The following C12orf42 variants were observed in gnomAD, a reference collection of about 807,000 sequenced individuals.
The protein encoded by C12orf42 is uncharacterized protein C12orf42.
C12orf42 carries 25 observed loss-of-function variants against 21.6 expected under a neutral mutation model. The observed-to-expected ratio is 1.16, with a 90% confidence interval of 0.84 to 1.62. The LOEUF (loss-of-function observed/expected upper bound fraction) is 1.62, where lower values mean the gene tolerates loss of function less well. C12orf42 is among the 40% of genes most tolerant of loss of function. The pLI is 0.00. For synonymous variants in C12orf42, 174 were observed against 175.0 expected (o/e 0.99, Z 0.05); for missense variants, 483 against 459.3 (o/e 1.05, Z -0.47).
At chr12:103,493,558 T>G (rs1239716903) in intron 1 of C12orf42, among the ~76,000 whole-genome samples, 1 of 152,000 alleles carries the variant, frequency 6.6e-6, no homozygotes, top group Admixed American at 6.6e-5. Flanking sequence ...GAAATGTGAT[T>G]TCCTCAGAGA....
the C12orf42 span, among the ~76,000 whole-genome samples, chr12:103,556,240 G>A: frequency 2.0e-5 from 3 of 152,184 alleles, no homozygotes; most frequent in Non-Finnish European, 4.4e-5. Context: ...TGAAAATGGA[G>A]ATATTCATAC....
intron 2 of C12orf42, among the ~76,000 whole-genome samples, 169 bp from the exon 3 acceptor site, chr12:103,401,844 G>A (rs947804226): frequency 2.0e-5 from 3 of 152,146 alleles, no homozygotes; most frequent in African/African-American, 7.2e-5. Flanking sequence ...AGGTGCGTTG[G>A]GAACAATGGT....
chr12:103,527,138 G>A, the C12orf42 span, among the ~76,000 whole-genome samples: 8,270 of 152,074 alleles, frequency 0.054, 754 homozygotes, highest in African/African-American at 0.18. Flanking sequence ...GAGATGGGAA[G>A]CAAGTCTGCT....
chr12:103,236,252 T>G (rs138750427), downstream of C12orf42, among the ~76,000 whole-genome samples: 554 of 152,308 alleles, frequency 3.6e-3, 3 homozygotes, highest in Middle Eastern at 0.014. Flanking sequence ...CTGAGATGCT[T>G]AAGCGTAAAA....
intron 2 of C12orf42, among the ~76,000 whole-genome samples, chr12:103,458,305 G>C (rs1347383834): frequency 1.3e-5 from 2 of 151,798 alleles, no homozygotes; most frequent in African/African-American, 4.8e-5. Flanking sequence ...CTGAAACTAG[G>C]AGATTTGTAT....
chr12:103,246,232 C>G (rs1426939194), intron 10 of C12orf42, among the ~76,000 whole-genome samples: 1 of 152,022 alleles, frequency 6.6e-6, no homozygotes, highest in Non-Finnish European at 1.5e-5. Context: ...AAGAAATGTT[C>G]TCTTTAAATA....
the C12orf42 span, among the ~76,000 whole-genome samples, chr12:103,221,774 G>T: frequency 6.6e-6 from 1 of 152,156 alleles, no homozygotes; most frequent in African/African-American, 2.4e-5. Flanking sequence ...CGTGAGGAGA[G>T]TTCTTTTCCA....
At chr12:103,048,137 C>T in the C12orf42 span, among the ~76,000 whole-genome samples, 1 of 151,286 alleles carries the variant, frequency 6.6e-6, no homozygotes, top group Non-Finnish European at 1.5e-5. Context: ...GGAAATGAGG[C>T]CTTGTAAACG....
At chr12:103,328,577 C>A (rs2040919032) in intron 4 of C12orf42, among the ~76,000 whole-genome samples, 1 of 152,232 alleles carries the variant, frequency 6.6e-6, no homozygotes, top group Non-Finnish European at 1.5e-5. Context: ...AGATGCATCT[C>A]TTCTCCTCCC....
intron 2 of C12orf42, among the ~76,000 whole-genome samples, chr12:103,457,872 A>C (rs1952417728): frequency 1.3e-5 from 2 of 152,152 alleles, no homozygotes; most frequent in Admixed American, 6.5e-5. Context: ...TTCACATTGG[A>C]CTAAAAAATG....
the C12orf42 span, among the ~76,000 whole-genome samples, chr12:103,225,499 G>A: frequency 1.3e-5 from 2 of 152,084 alleles, no homozygotes; most frequent in South Asian, 2.1e-4. Context: ...CAAGGAGGGA[G>A]TAGAGGTATC....
chr12:103,379,520 T>C (rs1228074287), intron 3 of C12orf42, among the ~76,000 whole-genome samples: 1 of 152,212 alleles, frequency 6.6e-6, no homozygotes. Context: ...TTGATAGATA[T>C]ATTACTAGAC....
chr12:103,251,428 C>T (rs1247984667), intron 10 of C12orf42, among the ~76,000 whole-genome samples: 2 of 152,152 alleles, frequency 1.3e-5, no homozygotes, highest in Non-Finnish European at 2.9e-5. Context: ...TTCTATAATA[C>T]ATTCCTTAAT....
intron 4 of C12orf42, among the ~76,000 whole-genome samples, chr12:103,339,476 A>G (rs1297040719): frequency 6.6e-6 from 1 of 152,174 alleles, no homozygotes. Context: ...TTTCTGTGTT[A>G]GTTTGCTAAA....
the C12orf42 span, among the ~76,000 whole-genome samples, chr12:103,179,347 A>G: frequency 6.6e-6 from 1 of 152,238 alleles, no homozygotes; most frequent in Admixed American, 6.5e-5. Context: ...GGAGACTTTT[A>G]GCATAACCTG....
rs558101540 is a variant in C12orf42, at chr12:103,484,876, T to G, written c.-21-6429A>C. On this transcript the variant is annotated intron_variant, in intron 1 of 5. Transcript: ENST00000548883. ...GATCTGGTTTCAGTTTTTTTTTTTT[T>G]TTTTTTTTTTTGAGAAGGAGTCTCT... is the stretch of plus-strand genomic sequence containing the variant. 3.6e-3 allele frequency among the ~76,000 whole-genome samples: 511 copies of G among 143,278 alleles called. 6 individuals are homozygous for G. Among genetic ancestry groups the G allele is most frequent in the African/African-American group, 0.012 (471 of 38,734 alleles). 94.0% of individuals were successfully genotyped at this position (143,278 alleles called of 152,430 possible). A position where few individuals can be genotyped will look rare whatever the true frequency, so the allele number is the denominator to read the frequency against.
the C12orf42 span, among the ~76,000 whole-genome samples, chr12:103,232,437 A>C: frequency 6.6e-6 from 1 of 150,830 alleles, no homozygotes; most frequent in Non-Finnish European, 1.5e-5. Flanking sequence ...GGCTGGGTGC[A>C]GTCTCTCACA....
At chr12:103,245,170 C>T (rs1008171818) in intron 10 of C12orf42, among the ~76,000 whole-genome samples, 2 of 152,020 alleles carry the variant, frequency 1.3e-5, no homozygotes, top group Non-Finnish European at 2.9e-5. Context: ...GTAACTAATA[C>T]TATTATGTTG....
At chr12:103,209,601 G>A in the C12orf42 span, among the ~76,000 whole-genome samples, 1 of 152,050 alleles carries the variant, frequency 6.6e-6, no homozygotes, top group Non-Finnish European at 1.5e-5. Context: ...CTCACACAAC[G>A]GCCAGCGCTG....
Sources: allele counts gnomAD v4.1 joint callset (sites outside exome capture counted in the v4.1 genomes callset), GRCh38; gene constraint gnomAD v4.1.1; transcripts MANE v1.5; gene names NCBI Gene and HGNC (gene_info 2026-07-23, HGNC 2026-07-21).